WDR41: variants seen among roughly 807,000 people sequenced by gnomAD.
WDR41 encodes the protein WD repeat-containing protein 41.
A neutral mutation model predicts 69.3 loss-of-function variants in WDR41; 63 were observed. That is an observed-to-expected ratio of 0.91 (90% CI 0.74 to 1.12). WDR41 has a LOEUF of 1.12. WDR41 is among the 50% of genes most tolerant of loss of function. WDR41 has a pLI of 0.00. For synonymous variants in WDR41, 185 were observed against 192.1 expected (o/e 0.96, Z 0.31); for missense variants, 543 against 534.5 (o/e 1.02, Z -0.16).
At chr5:77,433,912 TGGAAGCTAAGAATAGGAA>T (rs1034547026) in intron 12 of WDR41, among the ~76,000 whole-genome samples, 2 of 152,172 alleles carry the variant, frequency 1.3e-5, no homozygotes, top group African/African-American at 2.4e-5. Context: ...AGGAATAGGC[TGGAAGCTAAGAATAGGAA>T]AACAGAGTGT....
At chr5:77,583,082 G>C in intron 1 of WDR41, 1 of 1,590,978 alleles carries the variant, frequency 6.3e-7, no homozygotes, top group Non-Finnish European at 8.5e-7. Flanking sequence ...GCTGGCAACA[G>C]GGAGGACCAG....
chr5:77,451,263 A>C (rs1395716157), intron 7 of WDR41, 28 bp downstream of exon 7: 1 of 1,610,720 alleles, frequency 6.2e-7, no homozygotes, highest in African/African-American at 1.3e-5. Context: ...CGTTCAAAAT[A>C]CACAAAAAGA....
chr5:77,584,789 G>A (rs541555862), intron 1 of WDR41, among the ~76,000 whole-genome samples: 1 of 152,262 alleles, frequency 6.6e-6, no homozygotes, highest in Admixed American at 6.5e-5. Flanking sequence ...AATGAAACTG[G>A]ATCCTCATCT....
chr5:77,582,782 T>TA (rs1743963307), intron 1 of WDR41: 1 of 1,599,808 alleles, frequency 6.3e-7, no homozygotes, highest in Admixed American at 1.7e-5. Context: ...CTGAGGATTG[T>TA]AGAGCCATAT....
At chr5:77,468,016 AAC>A (rs1800379914) in intron 2 of WDR41, among the ~76,000 whole-genome samples, 1 of 152,006 alleles carries the variant, frequency 6.6e-6, no homozygotes, top group East Asian at 1.9e-4. Flanking sequence ...TCTCAAAAAA[AAC>A]ACAAAAAACA....
At chr5:77,512,331 T>TGA (rs764631325) in intron 1 of WDR41, among the ~76,000 whole-genome samples, 1,577 of 87,576 alleles carry the variant, frequency 0.018, 25 homozygotes, top group Middle Eastern at 0.024. Context: ...ATGGGGTGAG[T>TGA]GAGAGAGAGA....
At chr5:77,599,663 A>G (rs543429022) in intron 1 of WDR41, among the ~76,000 whole-genome samples, 2 of 152,330 alleles carry the variant, frequency 1.3e-5, no homozygotes, top group South Asian at 4.1e-4. Flanking sequence ...GGTGAAGAAT[A>G]AAAAGGGTCT....
At chr5:77,564,102 G>C (rs1243467509) in intron 1 of WDR41, among the ~76,000 whole-genome samples, 1 of 152,116 alleles carries the variant, frequency 6.6e-6, no homozygotes, top group Non-Finnish European at 1.5e-5. Context: ...TACATGTAAA[G>C]TATAAAGACA....
intron 1 of WDR41, among the ~76,000 whole-genome samples, chr5:77,529,481 A>G (rs1473294647): frequency 6.6e-6 from 1 of 151,580 alleles, no homozygotes; most frequent in African/African-American, 2.4e-5. Flanking sequence ...TAAAACCACA[A>G]TCAAAACCCC....
chr5:77,458,458 A>T (rs1799918566), intron 5 of WDR41, among the ~76,000 whole-genome samples: 1 of 152,170 alleles, frequency 6.6e-6, no homozygotes, highest in African/African-American at 2.4e-5. Context: ...TTACATTACT[A>T]AAAAACAGTG....
At chr5:77,546,003 C>T (rs536838559) in intron 1 of WDR41, 12 of 492,258 alleles carry the variant, frequency 2.4e-5, no homozygotes, top group East Asian at 2.4e-4. Context: ...GGCATCATCT[C>T]GGCCCCTGTG....
At chr5:77,482,104 A>G (rs1801299262) in intron 2 of WDR41, among the ~76,000 whole-genome samples, 1 of 152,208 alleles carries the variant, frequency 6.6e-6, no homozygotes, top group African/African-American at 2.4e-5. Flanking sequence ...GAAGGGCATT[A>G]TAATAAAAAG....
chr5:77,471,643 A>T (rs1342033373), intron 2 of WDR41, among the ~76,000 whole-genome samples: 1 of 152,166 alleles, frequency 6.6e-6, no homozygotes, highest in African/African-American at 2.4e-5. Flanking sequence ...AGAATACTAA[A>T]AACACCTCTA....
rs375379215 is a variant in WDR41 at position 77,440,980 on chromosome 5, C to T, written c.715G>A (p.Gly239Ser). The stretch of plus-strand genomic sequence containing the variant: ...ATGATCAGCTCTCCGACGTGGGAGC[C>T]GGTGACAAAACTCAAATCTAGGCAA... ...INVNDLSFVT[G>S]SHVGELIIWD... is the part of the protein sequence containing the mutation. Residue 239 changes from glycine (G) to serine (S), a missense_variant, in exon 9 of 13, where the codon GGC becomes AGC. Physicochemically the swap from Gly to Ser is moderately conservative, Grantham distance 56. Coordinates refer to ENST00000296679, the MANE Select transcript of WDR41 (RefSeq NM_018268.4). The T allele has an allele frequency of 5.2e-5, 84 of 1,613,006 alleles. No individual in the cohort carries two copies. The highest frequency in any genetic ancestry group is 6.9e-5 in the Non-Finnish European group (81 of 1,179,658).
At position 77,596,032 on chromosome 5, in the gene WDR41, A is replaced by C. The variant is rs762926948; in HGVS notation, c.42+24447T>G. Reference sequence around the variant, plus strand: ...GGCTGTGGGCTTAATGCCATAACCTATTGGTCAAATTCCATCATTCAGTCT... The same window carrying C: ...GGCTGTGGGCTTAATGCCATAACCTCTTGGTCAAATTCCATCATTCAGTCT... On this transcript the variant is annotated intron_variant, in intron 1 of 5. Transcript: ENST00000509971. Among the ~76,000 whole-genome samples, 83 of 152,204 alleles carry C rather than the reference A, an allele frequency of 5.5e-4. 1 individual carries two copies. Among genetic ancestry groups the C allele is most frequent in the Non-Finnish European group, 1.0e-3 (71 of 68,030 alleles).
intron 1 of WDR41, among the ~76,000 whole-genome samples, chr5:77,516,068 C>CT (rs1802287581): frequency 2.0e-5 from 3 of 152,162 alleles, no homozygotes; most frequent in Admixed American, 2.0e-4. Context: ...CTTATTATGG[C>CT]TCTTGGTACG....
intron 1 of WDR41, among the ~76,000 whole-genome samples, chr5:77,513,203 T>C (rs1049476902): frequency 6.6e-6 from 1 of 152,216 alleles, no homozygotes; most frequent in Non-Finnish European, 1.5e-5. Context: ...AACTTCTGTT[T>C]AATGAAATTT....
rs193080133 is a variant in WDR41, at chr5:77,519,167, T to A, written c.43-29595A>T. ...ATACAAAAAGGAAAATAATTATTTATTAGGGTATTCTGCCTGGTTATTTAT... is the reference window on the plus strand; with the variant it reads ...ATACAAAAAGGAAAATAATTATTTAATAGGGTATTCTGCCTGGTTATTTAT... On this transcript the variant is annotated intron_variant, in intron 1 of 5. Coordinates refer to the WDR41 transcript ENST00000509971. Among the ~76,000 whole-genome samples the A allele has an allele frequency of 2.8e-3, 429 of 152,216 alleles. 3 individuals are homozygous for A. The highest frequency in any genetic ancestry group is 9.9e-3 in the African/African-American group (413 of 41,578).
chr5:77,454,072 C>T (rs897953313), intron 5 of WDR41, 144 bp from the exon 6 acceptor site: 46 of 641,040 alleles, frequency 7.2e-5, no homozygotes, highest in Non-Finnish European at 1.2e-4. Flanking sequence ...GTGGGCACTA[C>T]TAAGTGACTA....
Sources: allele counts gnomAD v4.1 joint callset (sites outside exome capture counted in the v4.1 genomes callset), GRCh38; gene constraint gnomAD v4.1.1; transcripts MANE v1.5; gene names NCBI Gene and HGNC (gene_info 2026-07-23, HGNC 2026-07-21).